The following TMEM25 variants were observed in gnomAD, a reference collection of about 807,000 sequenced individuals.
TMEM25 encodes transmembrane protein 25.
Under a neutral mutation model 37.0 loss-of-function variants are expected in TMEM25, and 36 were observed. That is an observed-to-expected ratio of 0.97 (90% CI 0.75 to 1.28). The LOEUF (loss-of-function observed/expected upper bound fraction) is 1.28, where lower values mean the gene tolerates loss of function less well. Among genes scored for constraint, TMEM25 ranks in the 50% most tolerant of loss-of-function variants. The pLI is 0.00. For missense variants in TMEM25, 444 were observed against 477.9 expected (o/e 0.93, Z 0.66); for synonymous variants, 197 against 203.7 (o/e 0.97, Z 0.28).
At chr11:118,532,509 C>T (rs782789593) in intron 3 of TMEM25, 48 bp downstream of exon 3, 1 of 1,550,602 alleles carries the variant, frequency 6.4e-7, no homozygotes, top group South Asian at 1.2e-5. Flanking sequence ...TGCCCAGGGA[C>T]CCCCAGCACC....
chr11:118,546,195 C>A (rs371422239), exon 9 of TMEM25: 1 of 717,608 alleles, frequency 1.4e-6, no homozygotes, highest in African/African-American at 1.7e-5. Context: ...AGAAGAGACC[C>A]CTCAGAAGAA....
downstream of TMEM25, chr11:118,546,688 A>C (rs1474665245): frequency 6.6e-6 from 1 of 152,112 alleles, no homozygotes; most frequent in African/African-American, 2.5e-5. Flanking sequence ...GGAATTGGTC[A>C]TATGTTTTAT....
intron 8 of TMEM25, chr11:118,545,117 C>T (rs1205626394): frequency 4.5e-6 from 4 of 889,386 alleles, no homozygotes; most frequent in East Asian, 2.6e-5. Flanking sequence ...TTCCTTCCTG[C>T]TTCCATTCAT....
intron 8 of TMEM25, among the ~76,000 whole-genome samples, chr11:118,543,856 G>A (rs111276646): frequency 6.6e-6 from 1 of 151,170 alleles, no homozygotes; most frequent in South Asian, 2.1e-4. Context: ...GCCCAAGCTG[G>A]AGTGCAGTGC....
chr11:118,535,585 G>A lies in TMEM25; in HGVS notation c.*1005G>A. 1 of 1,535,466 alleles carries A rather than the reference G, an allele frequency of 6.5e-7. No homozygotes were observed. Among genetic ancestry groups the A allele is most frequent in the Non-Finnish European group, 8.7e-7 (1 of 1,146,708 alleles). On this transcript the variant is annotated 3_prime_UTR_variant, in exon 9 of 9. Transcript: ENST00000313236. Reference sequence around the variant, plus strand: ...TCAGCAGGAAGGTGCCCTTCCTGGAGGATGGTCGCCACAGGCACATAATTC... The same window carrying A: ...TCAGCAGGAAGGTGCCCTTCCTGGAAGATGGTCGCCACAGGCACATAATTC...
In TMEM25 at chr11:118,532,146, C is replaced by T; in HGVS notation, c.71-4C>T. ...CTTCCCAGAGGCCTCCTGCTGTGTT[C>T]CAGGTTGGGGGGAGTTGGAGCCACA... On this transcript the variant is annotated splice_polypyrimidine_tract_variant and splice_region_variant and intron_variant, in intron 2 of 8. Coordinates refer to ENST00000313236, the MANE Select transcript of TMEM25 (RefSeq NM_032780.4). 6.4e-7 allele frequency: 1 copy of T among 1,553,630 alleles called. No individual in the cohort carries two copies.
chr11:118,532,470 C>A lies in TMEM25; in HGVS notation c.382+9C>A. The A allele has an allele frequency of 6.2e-7, 1 of 1,601,416 alleles. No homozygotes were observed. The highest frequency in any genetic ancestry group is 8.5e-7 in the Non-Finnish European group (1 of 1,171,490). On this transcript the variant is annotated intron_variant, in intron 3 of 8. Transcript: ENST00000313236. ...CATCCTTAATGTGCAATGTGAGTGG[C>A]CCTGAGGTGGGCAGGGAGATAGGTT... is the stretch of plus-strand genomic sequence containing the variant.
rs1555059233 is a variant in TMEM25, at chr11:118,532,256, C to A, written c.177C>A (p.Gly59=). 2 of 1,613,840 alleles carry A rather than the reference C, an allele frequency of 1.2e-6. No individual in the cohort carries two copies. Among genetic ancestry groups the A allele is most frequent in the Non-Finnish European group, 8.5e-7 (1 of 1,179,814 alleles). ...AFTCRVAGGP[G]TPRLAWYLDG... Reference sequence around the variant, plus strand: ...CCTGCCGGGTGGCAGGGGGGCCTGGCACCCCCAGATTGGCCTGGTATCTGG... The same window carrying A: ...CCTGCCGGGTGGCAGGGGGGCCTGGAACCCCCAGATTGGCCTGGTATCTGG... Residue 59 remains glycine (G), a synonymous_variant, in exon 3 of 9, where the codon GGC becomes GGA. Transcript: ENST00000313236.
In TMEM25 at chr11:118,541,461, C is replaced by CA. The variant is rs1216078404; in HGVS notation, c.1028-4640dup. 4.2e-3 allele frequency among the ~76,000 whole-genome samples: 137 copies of CA among 32,768 alleles called. 1 individual carries two copies. The highest frequency in any genetic ancestry group is 0.017 in the Middle Eastern group (1 of 58). The allele number at this position is 32,768 out of a possible 152,430, so 21.5% of individuals were successfully genotyped here. On this transcript the variant is annotated intron_variant, in intron 8 of 8. Transcript: ENST00000354284. ...TGGGTGACAGAGCGAGACCCTGTCT[C>CA]AAAAAAAAAAAAAAAAAAGAAAAAG...
downstream of TMEM25, among the ~76,000 whole-genome samples, chr11:118,536,440 G>A (rs1452813357): frequency 6.6e-6 from 1 of 151,552 alleles, no homozygotes; most frequent in Non-Finnish European, 1.5e-5. Flanking sequence ...TGATCCACCC[G>A]CCTCAGCCTC....
downstream of TMEM25, among the ~76,000 whole-genome samples, chr11:118,538,042 C>A (rs940876610): frequency 6.6e-6 from 1 of 151,830 alleles, no homozygotes; most frequent in Non-Finnish European, 1.5e-5. Context: ...AGAGTGAGAC[C>A]CTGTCTCCAA....
At chr11:118,543,576 C>A (rs1951611112) in intron 8 of TMEM25, among the ~76,000 whole-genome samples, 1 of 152,032 alleles carries the variant, frequency 6.6e-6, no homozygotes, top group Non-Finnish European at 1.5e-5. Flanking sequence ...CAACTGCCAC[C>A]TCCTGGGTTC....
chr11:118,534,382 C>T lies in TMEM25; in HGVS notation c.1027+27C>T. 6.2e-7 allele frequency: 1 copy of T among 1,612,472 alleles called. No individual in the cohort carries two copies. The highest frequency in any genetic ancestry group is 8.5e-7 in the Non-Finnish European group (1 of 1,179,358). ...TACTGGGGAAGGGGCCTGCCACCCT[C>T]CTCCTCTGCCCCCCAGCCCTGTGCT... On this transcript the variant is annotated intron_variant, in intron 8 of 8. Transcript: ENST00000313236. This position sits in a 1 kb window ranked among gnomAD's most constrained non-coding sequence, Gnocchi z 4.6.
chr11:118,532,411 A>G lies in TMEM25; in HGVS notation c.332A>G (p.Asp111Gly), dbSNP rs1476591943. Reference sequence around the variant, plus strand: ...CATGAGCTCAACTGCTCTCTGCAGGACCCCAGAAGTGGCCGATCAGCCAAC... The same window carrying G: ...CATGAGCTCAACTGCTCTCTGCAGGGCCCCAGAAGTGGCCGATCAGCCAAC... ...AQHELNCSLQ[D>G]PRSGRSANAS... Residue 111 changes from aspartate to glycine, a missense_variant, in exon 3 of 9, where the codon GAC becomes GGC. Coordinates refer to ENST00000313236, the MANE Select transcript of TMEM25 (RefSeq NM_032780.4). 6.2e-7 allele frequency: 1 copy of G among 1,613,610 alleles called. No homozygotes were observed. The highest frequency in any genetic ancestry group is 1.3e-5 in the African/African-American group (1 of 74,886).
At chr11:118,543,608 C>A (rs1951611604) in intron 8 of TMEM25, among the ~76,000 whole-genome samples, 1 of 151,854 alleles carries the variant, frequency 6.6e-6, no homozygotes, top group Non-Finnish European at 1.5e-5. Context: ...CTGTCAGCCT[C>A]CCGAGTAGCT....
In TMEM25 at chr11:118,533,464, G is replaced by A; in HGVS notation, c.718G>A (p.Val240Met). 6.2e-7 allele frequency: 1 copy of A among 1,614,188 alleles called. No homozygotes were observed. Among genetic ancestry groups the A allele is most frequent in the Non-Finnish European group, 8.5e-7 (1 of 1,180,018 alleles). Residue 240 changes from valine (V) to methionine (M), a missense_variant, in exon 5 of 9, where the codon GTG (valine) becomes ATG (methionine). Coordinates refer to ENST00000313236, the MANE Select transcript of TMEM25 (RefSeq NM_032780.4). ...RVEVPLLGIV[V>M]AAGLALGTLV... ...GGAAGTGCCACTGCTGGGCATTGTT[G>A]TGGCTGCTGGGCTTGCACTGGGCAC... is the stretch of plus-strand genomic sequence containing the variant.
At position 118,542,036 on chromosome 11, in the gene TMEM25, G is replaced by A. The variant is rs182691624; in HGVS notation, c.1028-4083G>A. The stretch of plus-strand genomic sequence containing the variant: ...CTCCCAAAGTGCTGGGATTACAGGT[G>A]TGACTCACTGTGCCTGGCCTTTTTA... On this transcript the variant is annotated intron_variant, in intron 8 of 8. Coordinates refer to the TMEM25 transcript ENST00000354284. 3.0e-3 allele frequency among the ~76,000 whole-genome samples: 455 copies of A among 152,334 alleles called. 1 individual carries two copies. The highest frequency in any genetic ancestry group is 4.3e-3 in the Non-Finnish European group (290 of 68,024).
Position 118,534,394 on chromosome 11 carries a change from C to T in TMEM25, c.1027+39C>T. 1 of 1,611,642 alleles carries T rather than the reference C, an allele frequency of 6.2e-7. No homozygotes were observed. The highest frequency in any genetic ancestry group is 8.5e-7 in the Non-Finnish European group (1 of 1,178,968). On this transcript the variant is annotated intron_variant, in intron 8 of 8. Transcript: ENST00000313236. The surrounding 1 kb of genome is among the most constrained non-coding windows in gnomAD (Gnocchi z 4.6). ...GGCCTGCCACCCTCCTCCTCTGCCC[C>T]CCAGCCCTGTGCTTATGCCAGAGGC...
chr11:118,546,084 T>A lies in TMEM25; in HGVS notation c.1028-35T>A, dbSNP rs1555067065. The A allele has an allele frequency of 4.2e-6, 3 of 717,628 alleles. No individual in the cohort carries two copies. In the Admixed American group the frequency reaches 6.0e-5, roughly 14 times the overall value. The allele number at this position is 717,628 out of a possible 1,614,324, so 44.5% of individuals were successfully genotyped here. A position where few individuals can be genotyped will look rare whatever the true frequency, so the allele number is the denominator to read the frequency against. On this transcript the variant is annotated intron_variant, in intron 8 of 8. Transcript: ENST00000354284. The stretch of plus-strand genomic sequence containing the variant: ...TTAAATTAAAACAAGGTCATTAGGG[T>A]GGGCCTTAATCCAGTATGACTGGTG...
Sources: gnomAD v4.1 joint callset for allele counts (sites outside exome capture counted in the v4.1 genomes callset) on GRCh38, gnomAD v4.1.1 for gene constraint, Gnocchi (gnomAD v3.1) non-coding constraint, MANE v1.5 for transcripts, NCBI Gene and HGNC (gene_info 2026-07-23, HGNC 2026-07-21) for gene names.